HNRNPL: variants seen among roughly 807,000 people sequenced by gnomAD.
The protein encoded by HNRNPL is heterogeneous nuclear ribonucleoprotein L, also known as epididymis secretory sperm binding protein.
A neutral mutation model predicts 64.0 loss-of-function variants in HNRNPL; 12 were observed. The observed-to-expected ratio is 0.19, with a 90% CI of 0.12 to 0.30. The LOEUF is 0.30. Ranked by LOEUF, HNRNPL falls within the 10% of genes least tolerant of loss-of-function variation. The pLI is 1.00. For synonymous variants in HNRNPL, 385 were observed against 313.0 expected, an observed-to-expected ratio of 1.23 and a Z score of -2.43; for missense variants, 484 against 797.4, an observed-to-expected ratio of 0.61 and a Z score of 4.73.
intron 8 of HNRNPL, 56 bp downstream of exon 8, chr19:38,840,040 T>A: frequency 6.4e-7 from 1 of 1,568,810 alleles, no homozygotes; most frequent in Admixed American, 1.7e-5. Flanking sequence ...TTTCCCGTGC[T>A]GACTGGCAAG....
upstream of HNRNPL, chr19:38,850,052 A>G (rs920348166): frequency 2.1e-4 from 240 of 1,156,958 alleles, 1 homozygote; most frequent in Admixed American, 1.6e-4. Flanking sequence ...AGGGGGAGCC[A>G]CTGGTCCCGC....
upstream of HNRNPL, chr19:38,850,085 AC>A: frequency 1.3e-6 from 1 of 777,152 alleles, no homozygotes; most frequent in Non-Finnish European, 1.9e-6. Flanking sequence ...GTAGGCCGCC[AC>A]ACGCCTTGCG....
At chr19:38,848,585 G>A (rs1972384209) in intron 1 of HNRNPL, among the ~76,000 whole-genome samples, 1 of 152,348 alleles carries the variant, frequency 6.6e-6, no homozygotes, top group Admixed American at 6.5e-5. Flanking sequence ...GTGCGTGGAA[G>A]GTGGGTAGAA....
rs1225185841 is a variant in HNRNPL, at chr19:38,837,582, CACTCG to C, written c.1615+7_1615+11del. On this transcript the variant is annotated splice_region_variant and intron_variant, in intron 11 of 12. Coordinates refer to ENST00000221419, the MANE Select transcript of HNRNPL (RefSeq NM_001533.3). ...TGCAATTAGGGCAAGGAGGTGGGCA[CACTCG>C]ACTCACTTTTGCCTGAGAATACTTT... The C allele has an allele frequency of 1.9e-6, 3 of 1,613,998 alleles. No individual in the cohort carries two copies. The highest frequency in any genetic ancestry group is 1.3e-5 in the African/African-American group (1 of 74,950).
intron 1 of HNRNPL, among the ~76,000 whole-genome samples, chr19:38,847,867 C>G (rs993064800): frequency 6.6e-6 from 1 of 152,168 alleles, no homozygotes; most frequent in Non-Finnish European, 1.5e-5. Context: ...GCATGTGCCC[C>G]AAATTCCTTG....
chr19:38,848,395 A>G (rs1972374884), intron 1 of HNRNPL, among the ~76,000 whole-genome samples: 3 of 152,212 alleles, frequency 2.0e-5, no homozygotes, highest in Non-Finnish European at 4.4e-5. Flanking sequence ...TCCCGGATGG[A>G]AAGTCTTTTA....
At chr19:38,839,974 T>C (rs958386862) in intron 8 of HNRNPL, 122 bp downstream of exon 8, 1 of 853,794 alleles carries the variant, frequency 1.2e-6, no homozygotes, top group African/African-American at 1.7e-5. Context: ...CTGAGCTCAC[T>C]GAGTCACTCA....
At chr19:38,840,609 TC>T in intron 6 of HNRNPL, 50 bp from the exon 7 acceptor site, 2 of 1,414,316 alleles carry the variant, frequency 1.4e-6, no homozygotes, top group Non-Finnish European at 2.0e-6. Context: ...TTGGGGTCTC[TC>T]CCTCCCTCCT....
At chr19:38,839,914 A>C (rs943617092) in intron 8 of HNRNPL, among the ~76,000 whole-genome samples, 182 bp downstream of exon 8, 2 of 152,214 alleles carry the variant, frequency 1.3e-5, no homozygotes, top group Non-Finnish European at 2.9e-5. Flanking sequence ...CAAAAACACA[A>C]CACCCACATA....
chr19:38,837,242 G>A (rs1250458148), intron 12 of HNRNPL, 142 bp downstream of exon 12: 10 of 668,344 alleles, frequency 1.5e-5, no homozygotes, highest in Non-Finnish European at 2.1e-5. Flanking sequence ...CTCTCCTGAT[G>A]AGCAGGTCCC....
chr19:38,846,144 G>C (rs550231518), intron 2 of HNRNPL, 54 bp from the exon 3 acceptor site: 1 of 1,340,990 alleles, frequency 7.5e-7, no homozygotes, highest in African/African-American at 1.4e-5. Context: ...GACAGGAGGA[G>C]GGTATCATTT....
chr19:38,842,596 TG>T (rs1489221081), intron 6 of HNRNPL, among the ~76,000 whole-genome samples: 2 of 152,142 alleles, frequency 1.3e-5, no homozygotes, highest in African/African-American at 4.8e-5. Context: ...TGGTGGAGGC[TG>T]CATGTTCTGT....
Position 38,838,493 on chromosome 19 carries a change from G to C in HNRNPL, c.1461C>G (p.Thr487=), listed in dbSNP as rs758144205. 1.9e-6 allele frequency: 3 copies of C among 1,614,072 alleles called. No homozygotes were observed. Among genetic ancestry groups the C allele is most frequent in the Admixed American group, 1.7e-5 (1 of 60,008 alleles). ...FSESRNNRFS[T]PEQAAKNRIQ... is the part of the protein sequence containing the mutation. ...TGCGGTTCTTGGCTGCCTGCTCTGG[G>C]GTGGAGAACCGATTGTTCCGGGATT... The change falls in exon 10 of 13, where the codon ACC becomes ACG. Residue 487 remains threonine, a synonymous_variant. Transcript: ENST00000221419.
At chr19:38,843,543 T>A (rs1972184293) in intron 6 of HNRNPL, 1 of 411,544 alleles carries the variant, frequency 2.4e-6, no homozygotes, top group Admixed American at 4.2e-5. Flanking sequence ...GAGCCACTGC[T>A]GGTTTCTAAG....
At chr19:38,837,003 C>T (rs1204685851) in intron 12 of HNRNPL, 10 of 547,414 alleles carry the variant, frequency 1.8e-5, no homozygotes, top group East Asian at 6.0e-5. Flanking sequence ...CTATCTCCTT[C>T]GCCAGCCCAA....
At chr19:38,839,297 TCACCATTTTGTCTGTTACA>T (rs1972031946) in intron 8 of HNRNPL, 6 of 414,030 alleles carry the variant, frequency 1.4e-5, no homozygotes, top group Non-Finnish European at 2.3e-5. Context: ...TCAGCCATTT[TCACCATTTTGTCTGTTACA>T]CACAGACGTG....
chr19:38,838,767 C>A, intron 9 of HNRNPL, 127 bp downstream of exon 9: 2 of 1,389,484 alleles, frequency 1.4e-6, no homozygotes, highest in South Asian at 1.2e-5. Context: ...CGTCTGGGAA[C>A]ACACCTGCCA....
At chr19:38,836,946 A>G in intron 12 of HNRNPL, 166 bp from the exon 13 acceptor site, 1 of 579,112 alleles carries the variant, frequency 1.7e-6, no homozygotes. Flanking sequence ...CCAATTATGC[A>G]CGGCGTTTCT....
chr19:38,848,353 A>G (rs1278610629), intron 1 of HNRNPL, among the ~76,000 whole-genome samples: 1 of 152,142 alleles, frequency 6.6e-6, no homozygotes, highest in Admixed American at 6.5e-5. Context: ...TCAGCCTCCC[A>G]AAGTGCTGGG....
Sources: allele counts gnomAD v4.1 joint callset (sites outside exome capture counted in the v4.1 genomes callset), GRCh38; gene constraint gnomAD v4.1.1; transcripts MANE v1.5; gene names NCBI Gene and HGNC (gene_info 2026-07-23, HGNC 2026-07-21).